Variants in DNM3 observed in about 807,000 individuals in gnomAD.
The protein encoded by DNM3 is dynamin 3, also known as dynamin-3.
DNM3 carries 47 observed loss-of-function variants against 101.6 expected under a neutral mutation model. The observed-to-expected ratio is 0.46, with a 90% CI of 0.37 to 0.59. The LOEUF is 0.59. DNM3 is among the 20% of genes least tolerant of loss of function. The pLI is 0.00. For synonymous variants in DNM3, 385 were observed against 387.9 expected, an observed-to-expected ratio of 0.99 and a Z score of 0.09; for missense variants, 849 against 1,085.7, an observed-to-expected ratio of 0.78 and a Z score of 3.06.
rs559776804 is a variant in DNM3 at position 171,948,993 on chromosome 1, A to AT, written c.235+27179dup. Among the ~76,000 whole-genome samples the AT allele has an allele frequency of 6.6e-5, 10 of 152,170 alleles. No individual in the cohort carries two copies. The South Asian group carries it at 1.7e-3, about 25-fold the overall frequency. On this transcript the variant is annotated intron_variant, in intron 2 of 20. Transcript: ENST00000627582. Reference sequence around the variant, plus strand: ...AAAAAGAATATTCTTATCTGTTACAATTTTTTTAAAAGAGAAAAGCATAAA... The same window carrying AT: ...AAAAAGAATATTCTTATCTGTTACAATTTTTTTTAAAAGAGAAAAGCATAAA...
At chr1:171,987,979 GT>G (rs2045381362) in intron 3 of DNM3, among the ~76,000 whole-genome samples, 174 bp downstream of exon 3, 1 of 152,186 alleles carries the variant, frequency 6.6e-6, no homozygotes, top group Non-Finnish European at 1.5e-5. Flanking sequence ...AGGAGAGGCA[GT>G]AGGAGATGAC....
Position 172,199,684 on chromosome 1 carries a change from T to C in DNM3, c.1660-53889T>C, listed in dbSNP as rs116210344. Among the ~76,000 whole-genome samples the C allele has an allele frequency of 3.7e-3, 567 of 152,274 alleles. 9 individuals are homozygous for C. Among genetic ancestry groups the C allele is most frequent in the African/African-American group, 0.013 (541 of 41,556 alleles). ...CCCTTCTTGTCTTTTTTGATATTTGTTGGTTTGACATCTGTTTTGTCTGAA... is the reference window on the plus strand; with the variant it reads ...CCCTTCTTGTCTTTTTTGATATTTGCTGGTTTGACATCTGTTTTGTCTGAA... On this transcript the variant is annotated intron_variant, in intron 14 of 20. Transcript: ENST00000627582.
chr1:171,877,278 C>A (rs1298486895), intron 1 of DNM3, among the ~76,000 whole-genome samples: 1 of 152,064 alleles, frequency 6.6e-6, no homozygotes, highest in Non-Finnish European at 1.5e-5. Flanking sequence ...ATATTTTAAA[C>A]CCAAGGATTT....
chr1:171,972,706 G>A (rs572613479), intron 2 of DNM3, among the ~76,000 whole-genome samples: 7 of 152,176 alleles, frequency 4.6e-5, no homozygotes, highest in Admixed American at 3.3e-4. Context: ...AAAATCAGCC[G>A]GGCGTGGTGG....
chr1:172,070,033 T>C (rs997295368), intron 11 of DNM3, among the ~76,000 whole-genome samples: 7 of 152,022 alleles, frequency 4.6e-5, no homozygotes, highest in Non-Finnish European at 1.5e-5. Context: ...ACCCAGCAGA[T>C]TGGGACATTC....
chr1:171,906,986 C>T (rs1487016933), intron 1 of DNM3, among the ~76,000 whole-genome samples: 1 of 152,126 alleles, frequency 6.6e-6, no homozygotes, highest in Non-Finnish European at 1.5e-5. Context: ...TGATTCTCAC[C>T]ACATTTCATT....
rs34981346 is a variant in DNM3, at chr1:172,027,617, C to CACACACACACACACACACACACACAGAG, written c.590-4784_590-4783insCACACACACACACACACACACACAGAGA. Among the ~76,000 whole-genome samples the CACACACACACACACACACACACACAGAG allele has an allele frequency of 6.8e-5, 10 of 147,020 alleles. 1 individual carries two copies. The highest frequency in any genetic ancestry group is 2.1e-4 in the African/African-American group (8 of 38,562). ...ACACACACACACACACACACACACA[C>CACACACACACACACACACACACACAGAG]AGAGAGAGAGAAATTGGATACAGAG... is the stretch of plus-strand genomic sequence containing the variant. On this transcript the variant is annotated intron_variant, in intron 4 of 20. Coordinates refer to ENST00000627582, the MANE Select transcript of DNM3 (RefSeq NM_015569.5).
rs571551604 is a variant in DNM3 at position 171,965,073 on chromosome 1, C to T, written c.236-22583C>T. On this transcript the variant is annotated intron_variant, in intron 2 of 20. Transcript: ENST00000627582. The stretch of plus-strand genomic sequence containing the variant: ...ATGTCTCAGTCCCACAAGACTGTCC[C>T]GAGTTCAAATGCCAATCTCAAGTAG... Among the ~76,000 whole-genome samples the T allele has an allele frequency of 9.9e-5, 15 of 152,184 alleles. No individual in the cohort carries two copies. The East Asian group carries it at 1.2e-3, about 12-fold the overall frequency.
chr1:171,935,377 G>T (rs2041327233), intron 2 of DNM3, among the ~76,000 whole-genome samples: 1 of 152,176 alleles, frequency 6.6e-6, no homozygotes, highest in Non-Finnish European at 1.5e-5. Context: ...GTAGTATTGT[G>T]AGAAAGGTGA....
intron 14 of DNM3, among the ~76,000 whole-genome samples, chr1:172,193,396 C>T (rs1299988816): frequency 6.6e-6 from 1 of 152,064 alleles, no homozygotes; most frequent in Non-Finnish European, 1.5e-5. Context: ...GGGAGGATTC[C>T]CTCTTTTTCT....
intron 12 of DNM3, among the ~76,000 whole-genome samples, chr1:172,087,161 C>G (rs917299899): frequency 5.5e-4 from 84 of 152,306 alleles, no homozygotes; most frequent in African/African-American, 2.0e-3. Context: ...GTTAATCACT[C>G]CTTCTTGAAG....
rs2063366263 is a variant in DNM3 at position 172,278,363 on chromosome 1, A to G, written c.1769+24681A>G. Among the ~76,000 whole-genome samples, 4 of 152,008 alleles carry G rather than the reference A, an allele frequency of 2.6e-5. No individual in the cohort carries two copies. The South Asian group carries it at 6.2e-4, about 24-fold the overall frequency. On this transcript the variant is annotated intron_variant, in intron 15 of 20. Transcript: ENST00000627582. ...TTTTGGTTTCCCTGGCCACATTGGA[A>G]GAAGAATTGTCTTGGGCCACACATA...
At chr1:172,309,646 T>C (rs1440537577) in intron 16 of DNM3, 2 of 152,208 alleles carry the variant, frequency 1.3e-5, no homozygotes, top group African/African-American at 2.4e-5. Flanking sequence ...GCTTAACTCC[T>C]GAGGTGCCTA....
chr1:172,386,781 C>T, intron 18 of DNM3: 1 of 202,164 alleles, frequency 4.9e-6, no homozygotes, highest in East Asian at 1.1e-4. Context: ...TGCTTCTTAC[C>T]TCATAGTACC....
At chr1:172,352,276 A>G (rs1279063944) in intron 17 of DNM3, among the ~76,000 whole-genome samples, 10 of 152,242 alleles carry the variant, frequency 6.6e-5, no homozygotes, top group Non-Finnish European at 8.8e-5. Context: ...TAAAATTGCC[A>G]TTCCATTAAA....
In DNM3 at chr1:172,032,391, T is replaced by G. The variant is rs1398239900; in HGVS notation, c.590-11T>G. The G allele has an allele frequency of 6.2e-7, 1 of 1,604,396 alleles. No homozygotes were observed. The highest frequency in any genetic ancestry group is 8.5e-7 in the Non-Finnish European group (1 of 1,172,144). On this transcript the variant is annotated splice_polypyrimidine_tract_variant and intron_variant, in intron 4 of 20. Coordinates refer to ENST00000627582, the MANE Select transcript of DNM3 (RefSeq NM_015569.5). ...GCAAATTGTGTAATGTTGGGTTTGT[T>G]TATGATGCAGGTCTGAGAACCATTG...
At chr1:171,883,599 G>A (rs1008938629) in intron 1 of DNM3, among the ~76,000 whole-genome samples, 1 of 151,800 alleles carries the variant, frequency 6.6e-6, no homozygotes, top group Non-Finnish European at 1.5e-5. Flanking sequence ...AGCCTCCTGA[G>A]TAGCTGAGAT....
chr1:172,324,002 G>A (rs12034440), intron 17 of DNM3, among the ~76,000 whole-genome samples: 34,102 of 152,048 alleles, frequency 0.22, 4,409 homozygotes, highest in East Asian at 0.3. Flanking sequence ...TTATTTTAAT[G>A]TTGTTGTTAT....
intron 10 of DNM3, among the ~76,000 whole-genome samples, chr1:172,054,697 G>A (rs956628146): frequency 2.6e-5 from 4 of 152,168 alleles, no homozygotes; most frequent in African/African-American, 9.7e-5. Flanking sequence ...GGTGGCTCAT[G>A]CCTGTAATCC....
Sources: gnomAD v4.1 joint callset for allele counts (sites outside exome capture counted in the v4.1 genomes callset) on GRCh38, gnomAD v4.1.1 for gene constraint, MANE v1.5 for transcripts, NCBI Gene and HGNC (gene_info 2026-07-23, HGNC 2026-07-21) for gene names.